The following CENPE variants were observed in gnomAD, a reference collection of about 807,000 sequenced individuals.
CENPE encodes centromere protein E.
CENPE carries 145 observed loss-of-function variants against 336.1 expected under a neutral mutation model. The ratio of observed to expected loss-of-function variants is 0.43; its 90% CI spans 0.38 to 0.50. The LOEUF (loss-of-function observed/expected upper bound fraction) is 0.50. CENPE is among the 20% of genes least tolerant of loss of function. The probability of loss-of-function intolerance (pLI) is 0.00; values close to 1 mark genes in which losing one functional copy is unlikely to be tolerated. For synonymous variants in CENPE, 1,013 were observed against 984.8 expected (o/e 1.03, Z -0.54); for missense variants, 2,719 against 3,023.3 (o/e 0.90, Z 2.36).
At chr4:103,159,891 G>T (rs924297124) in intron 21 of CENPE, among the ~76,000 whole-genome samples, 9 of 151,798 alleles carry the variant, frequency 5.9e-5, no homozygotes, top group African/African-American at 1.4e-4. Context: ...CACTGTGAAA[G>T]ATAAGGGCAG....
chr4:103,124,491 C>T (rs577120994), intron 42 of CENPE, among the ~76,000 whole-genome samples: 1 of 152,222 alleles, frequency 6.6e-6, no homozygotes, highest in East Asian at 1.9e-4. Flanking sequence ...GATAATGAAA[C>T]ATTAACTGAT....
Position 103,131,166 on chromosome 4 carries a change from T to C in CENPE, c.6924+1527A>G, listed in dbSNP as rs550816417. On this transcript the variant is annotated intron_variant, in intron 42 of 48. Coordinates refer to ENST00000265148, the MANE Select transcript of CENPE (RefSeq NM_001813.3). ...AGGGAGTGAGAAGACAAGCCACAGA[T>C]TGGTAGAATATATTTCCAAGACACA... Among the ~76,000 whole-genome samples the C allele has an allele frequency of 1.6e-4, 25 of 152,246 alleles. No individual in the cohort carries two copies. In the East Asian group the frequency reaches 3.3e-3, roughly 20 times the overall value.
intron 43 of CENPE, among the ~76,000 whole-genome samples, chr4:103,121,195 A>G (rs542445124): frequency 7.2e-5 from 11 of 152,200 alleles, no homozygotes; most frequent in Non-Finnish European, 1.6e-4. Flanking sequence ...TCTATAACCA[A>G]ATATACATGA....
chr4:103,114,532 G>C lies in CENPE; in HGVS notation c.7463C>G (p.Thr2488Ser). The C allele has an allele frequency of 6.2e-7, 1 of 1,608,812 alleles. No individual in the cohort carries two copies. The highest frequency in any genetic ancestry group is 8.5e-7 in the Non-Finnish European group (1 of 1,177,190). Reference sequence around the variant, plus strand: ...TATAACTTCCTTTTGATATTCTACAGTGGCTTTTGTAGCACTGATTCTAAC... The same window carrying C: ...TATAACTTCCTTTTGATATTCTACACTGGCTTTTGTAGCACTGATTCTAAC... ...FEKEISATKA[T>S]VEYQKEVIRL... is the part of the protein sequence containing the mutation. The change falls in exon 46 of 49, where the codon ACT (threonine) becomes AGT (serine). Residue 2488 changes from threonine to serine, a missense_variant. Physicochemically the swap from Thr to Ser is moderately conservative, Grantham distance 58. Around this residue, in one of 5 missense-constraint regions of CENPE, gnomAD observed 2,437 missense variants for 2,513.3 expected, o/e 0.97. Transcript: ENST00000265148.
chr4:103,106,466 G>A (rs1748911200), intron 48 of CENPE, 150 bp from the exon 49 acceptor site: 6 of 484,816 alleles, frequency 1.2e-5, no homozygotes, highest in African/African-American at 2.0e-5. Flanking sequence ...TGAAGATGGT[G>A]TATTTCACCT....
intron 44 of CENPE, 75 bp from the exon 45 acceptor site, chr4:103,116,764 C>G: frequency 1.4e-6 from 1 of 728,512 alleles, no homozygotes; most frequent in South Asian, 1.8e-5. Context: ...GAATGGTTAG[C>G]TGTCTTTGCT....
rs1365443957 is a variant in CENPE, at chr4:103,133,685, T to A, written c.6720+10A>T. ...AAAATCTAACTAAATCCATTTAAAATAAATTATACCTCAATATGTAGATCC... is the reference window on the plus strand; with the variant it reads ...AAAATCTAACTAAATCCATTTAAAAAAAATTATACCTCAATATGTAGATCC... On this transcript the variant is annotated intron_variant, in intron 41 of 48. Transcript: ENST00000265148. 5.9e-6 allele frequency: 9 copies of A among 1,532,980 alleles called. No homozygotes were observed. The highest frequency in any genetic ancestry group is 7.2e-6 in the Non-Finnish European group (8 of 1,117,676). The allele number at this position is 1,532,980 out of a possible 1,614,324, so 95.0% of individuals were successfully genotyped here.
chr4:103,148,992 T>G lies in CENPE; in HGVS notation c.3695A>C (p.Gln1232Pro). ...AGCAATTTTTAGTTCTTCTTTGGTT[T>G]GTAGGCCCTTGGCGAGTGAAATTTA... ...YIREIEATGLQTKEELKIAHI... is the reference protein window; with the variant it reads ...YIREIEATGLPTKEELKIAHI... Residue 1232 changes from glutamine (Q) to proline (P), a missense_variant, in exon 28 of 49, where the codon CAA (glutamine) becomes CCA (proline). This residue lies in a region of CENPE where 2,437 missense variants were observed against 2,513.3 expected (regional missense o/e 0.97). Coordinates refer to ENST00000265148, the MANE Select transcript of CENPE (RefSeq NM_001813.3). 6.2e-7 allele frequency: 1 copy of G among 1,612,876 alleles called. No homozygotes were observed. The highest frequency in any genetic ancestry group is 2.2e-5 in the East Asian group (1 of 44,824).
chr4:103,183,978 A>G (rs1056787409), intron 9 of CENPE, among the ~76,000 whole-genome samples: 13 of 152,196 alleles, frequency 8.5e-5, no homozygotes, highest in African/African-American at 2.9e-4. Flanking sequence ...TTTTTAAAGT[A>G]TAAAATTCCA....
chr4:103,189,973 T>C (rs1757152550), intron 8 of CENPE, among the ~76,000 whole-genome samples: 1 of 152,072 alleles, frequency 6.6e-6, no homozygotes, highest in East Asian at 1.9e-4. Flanking sequence ...TGTGCAAAAA[T>C]CACAAGCATT....
chr4:103,120,182 A>G lies in CENPE; in HGVS notation c.7295T>C (p.Leu2432Pro). Residue 2432 changes from leucine to proline, a missense_variant, in exon 44 of 49, where the codon CTT (leucine) becomes CCT (proline). By Grantham distance (98) the Leu-to-Pro change is moderately conservative (BLOSUM62 -3). Coordinates refer to ENST00000265148, the MANE Select transcript of CENPE (RefSeq NM_001813.3). ...TTGAATTGTCTCTTTTGTTTTTTCA[A>G]GGCATTTATTTGATTCATGAACTTT... The part of the protein sequence containing the change: ...QAKVHESNKC[L>P]EKTKETIQVL... The G allele has an allele frequency of 6.2e-7, 1 of 1,603,252 alleles. No individual in the cohort carries two copies. The highest frequency in any genetic ancestry group is 8.5e-7 in the Non-Finnish European group (1 of 1,177,052).
chr4:103,180,190 T>G lies in CENPE; in HGVS notation c.1242+121A>C, dbSNP rs1430058082. On this transcript the variant is annotated intron_variant, in intron 13 of 48. Coordinates refer to ENST00000265148, the MANE Select transcript of CENPE (RefSeq NM_001813.3). ...CTTAGGTACTATGAAACACAAAATCTTCTGGGTTTCTTGAATATACTGTAT... is the reference window on the plus strand; with the variant it reads ...CTTAGGTACTATGAAACACAAAATCGTCTGGGTTTCTTGAATATACTGTAT... 8.4e-6 allele frequency: 7 copies of G among 830,798 alleles called. No homozygotes were observed. In the African/African-American group the frequency reaches 1.1e-4, roughly 13 times the overall value. The allele number at this position is 830,798 out of a possible 1,614,324, so 51.5% of individuals were successfully genotyped here. A position where few individuals can be genotyped will look rare whatever the true frequency, so the allele number is the denominator to read the frequency against.
intron 16 of CENPE, among the ~76,000 whole-genome samples, chr4:103,167,663 G>T (rs1755038102): frequency 6.6e-6 from 1 of 152,186 alleles, no homozygotes; most frequent in South Asian, 2.1e-4. Context: ...GTAGGAGGTT[G>T]TAAAACCCCA....
intron 21 of CENPE, 96 bp downstream of exon 21, chr4:103,160,529 C>T: frequency 1.0e-6 from 1 of 985,316 alleles, no homozygotes; most frequent in Non-Finnish European, 1.5e-6. Context: ...CTCTTGTCTG[C>T]TAGTTTAAAA....
rs763321921 is a variant in CENPE, at chr4:103,120,263, A to G, written c.7214T>C (p.Ile2405Thr). ...ESAMHKESKI[I>T]KMQKELEVTN... is the part of the protein sequence containing the mutation. ...CACCTCAAGTTCTTTCTGCATCTTT[A>G]TAATCTTGCTTTCCTTATGCATAGC... Residue 2405 changes from isoleucine to threonine, a missense_variant, in exon 44 of 49, where the codon ATA becomes ACA. Ile to Thr is a moderately conservative substitution (Grantham distance 89). Around this residue, in one of 5 missense-constraint regions of CENPE, gnomAD observed 2,437 missense variants for 2,513.3 expected, o/e 0.97. Transcript: ENST00000265148. 14 of 1,612,686 alleles carry G rather than the reference A, an allele frequency of 8.7e-6. No individual in the cohort carries two copies. The highest frequency in any genetic ancestry group is 1.2e-5 in the Non-Finnish European group (14 of 1,179,540).
intron 47 of CENPE, 124 bp downstream of exon 47, chr4:103,110,704 A>C (rs897533254): frequency 1.7e-6 from 1 of 573,844 alleles, no homozygotes. Flanking sequence ...CCTGAGCTCT[A>C]AAAATTACTT....
chr4:103,140,001 C>A lies in CENPE; in HGVS notation c.5992G>T (p.Glu1998Ter). ...AATTGCTTCTTCAACTGTTCCATTT[C>A]ATTAATTTTTTTATGACTCATATTG... Reference protein sequence around the residue: ...DVNMSHKKINEMEQLKKQFEA... With the variant: ...DVNMSHKKIN Residue 1998 changes from glutamate (E) to a stop codon, truncating the protein, a stop_gained, in exon 38 of 49, where the codon GAA becomes TAA. Transcript: ENST00000265148. LOFTEE classifies it high-confidence loss of function. 1 of 1,612,770 alleles carries A rather than the reference C, an allele frequency of 6.2e-7. No individual in the cohort carries two copies. Among genetic ancestry groups the A allele is most frequent in the Non-Finnish European group, 8.5e-7 (1 of 1,179,252 alleles).
At chr4:103,114,875 C>A (rs1005417078) in intron 45 of CENPE, among the ~76,000 whole-genome samples, 3 of 152,034 alleles carry the variant, frequency 2.0e-5, no homozygotes, top group Non-Finnish European at 2.9e-5. Flanking sequence ...ACCATGGGGT[C>A]CTAGAAATAT....
intron 24 of CENPE, among the ~76,000 whole-genome samples, chr4:103,154,706 C>T (rs1753830211): frequency 6.6e-6 from 1 of 151,806 alleles, no homozygotes; most frequent in African/African-American, 2.4e-5. Context: ...ACTTCAACTA[C>T]CACAGTTATG....
Sources: allele counts gnomAD v4.1 joint callset (sites outside exome capture counted in the v4.1 genomes callset), GRCh38; gene constraint gnomAD v4.1.1; regional missense constraint gnomAD v4.1.1; transcripts MANE v1.5; gene names NCBI Gene and HGNC (gene_info 2026-07-23, HGNC 2026-07-21).